The following SDCCAG8 variants were observed in gnomAD, a reference collection of about 807,000 sequenced individuals.
SDCCAG8 encodes the protein serologically defined colon cancer antigen 8.
In SDCCAG8, 74 loss-of-function variants were observed where a neutral mutation model predicts 101.8. The observed-to-expected ratio is 0.73, with a 90% confidence interval of 0.60 to 0.88. SDCCAG8 has a LOEUF of 0.88. Among genes scored for constraint, SDCCAG8 ranks in the 40% least tolerant of loss-of-function variants. The pLI, the probability that SDCCAG8 is intolerant of heterozygous loss-of-function variation, is 0.00. For synonymous variants in SDCCAG8, 281 were observed against 292.9 expected (o/e 0.96, Z 0.41); for missense variants, 787 against 822.6 (o/e 0.96, Z 0.53).
At position 243,339,052 on chromosome 1, in the gene SDCCAG8, T is replaced by C. The variant is rs1253544771; in HGVS notation, c.1222-1987T>C. The C allele has an allele frequency of 1.5e-4, 17 of 110,746 alleles. No homozygotes were observed. In the Admixed American group the frequency reaches 1.6e-3, roughly 10 times the overall value. The allele number at this position is 110,746 out of a possible 1,614,324, so 6.9% of individuals were successfully genotyped here. A position where few individuals can be genotyped will look rare whatever the true frequency, so the allele number is the denominator to read the frequency against. On this transcript the variant is annotated intron_variant, in intron 10 of 17. Transcript: ENST00000366541. ...GGGCAGAGGACCTCAGAAAGTGGGGTGGGCGGCAGGAGGGAGCAGACAGCT... is the reference window on the plus strand; with the variant it reads ...GGGCAGAGGACCTCAGAAAGTGGGGCGGGCGGCAGGAGGGAGCAGACAGCT...
At chr1:243,435,643 G>A (rs2082079658) in intron 16 of SDCCAG8, among the ~76,000 whole-genome samples, 1 of 152,110 alleles carries the variant, frequency 6.6e-6, no homozygotes, top group Non-Finnish European at 1.5e-5. Context: ...AAGGCAAAAT[G>A]CCTTTTGAAT....
chr1:243,286,011 C>T (rs1049390573), intron 4 of SDCCAG8, among the ~76,000 whole-genome samples: 2 of 152,174 alleles, frequency 1.3e-5, no homozygotes, highest in Non-Finnish European at 2.9e-5. Flanking sequence ...CTTTGAGCCT[C>T]GATTCCTTGG....
chr1:243,297,211 G>C (rs566782563), intron 6 of SDCCAG8, among the ~76,000 whole-genome samples: 2 of 152,206 alleles, frequency 1.3e-5, no homozygotes, highest in Middle Eastern at 3.4e-3. Flanking sequence ...CTTTGTATCT[G>C]GTTTCTGTTG....
Position 243,296,674 on chromosome 1 carries a change from C to A in SDCCAG8, c.675+3455C>A, listed in dbSNP as rs372098738. Among the ~76,000 whole-genome samples, 1,198 of 150,644 alleles carry A rather than the reference C, an allele frequency of 8.0e-3. 16 individuals carry two copies. The highest frequency in any genetic ancestry group is 0.027 in the African/African-American group (1,129 of 41,186). On this transcript the variant is annotated intron_variant, in intron 6 of 17. Coordinates refer to ENST00000366541, the MANE Select transcript of SDCCAG8 (RefSeq NM_006642.5). ...TCTCCTGCCTCAGCCTCCCGAGTAG[C>A]TGGGACTACAGGCGCCCGCCACTGC...
intron 16 of SDCCAG8, among the ~76,000 whole-genome samples, chr1:243,477,204 G>T (rs1662622855): frequency 6.6e-6 from 1 of 152,192 alleles, no homozygotes; most frequent in South Asian, 2.1e-4. Flanking sequence ...GGTGAGGTAG[G>T]GTACAGTGTG....
At chr1:243,459,508 G>C (rs192358428) in intron 16 of SDCCAG8, among the ~76,000 whole-genome samples, 1 of 152,084 alleles carries the variant, frequency 6.6e-6, no homozygotes, top group Non-Finnish European at 1.5e-5. Flanking sequence ...GAAAGGCTTG[G>C]GGGGTGGGGG....
chr1:243,289,411 A>G (rs1245742857), intron 5 of SDCCAG8, among the ~76,000 whole-genome samples: 1 of 152,228 alleles, frequency 6.6e-6, no homozygotes, highest in South Asian at 2.1e-4. Context: ...TCTTTTAGCA[A>G]CATCCTCACA....
chr1:243,340,461 G>A (rs1198503967), intron 10 of SDCCAG8, among the ~76,000 whole-genome samples: 1 of 152,128 alleles, frequency 6.6e-6, no homozygotes, highest in Non-Finnish European at 1.5e-5. Context: ...GAGGAGAGGA[G>A]ATAATGGCTG....
intron 15 of SDCCAG8, among the ~76,000 whole-genome samples, chr1:243,421,768 A>C (rs2081024204): frequency 1.3e-5 from 2 of 152,188 alleles, no homozygotes; most frequent in Non-Finnish European, 1.5e-5. Context: ...AAGCTCACAT[A>C]AACTTTCGCT....
At chr1:243,351,754 A>G (rs2076091984) in intron 12 of SDCCAG8, among the ~76,000 whole-genome samples, 1 of 152,248 alleles carries the variant, frequency 6.6e-6, no homozygotes, top group African/African-American at 2.4e-5. Flanking sequence ...CAAATAATTT[A>G]AAATATGTTC....
chr1:243,438,746 T>G (rs2082323539), intron 16 of SDCCAG8, among the ~76,000 whole-genome samples: 1 of 152,232 alleles, frequency 6.6e-6, no homozygotes, highest in Non-Finnish European at 1.5e-5. Context: ...CATGAGGCTT[T>G]TCTCATACTT....
At chr1:243,298,146 T>A (rs2071127493) in intron 6 of SDCCAG8, among the ~76,000 whole-genome samples, 2 of 151,632 alleles carry the variant, frequency 1.3e-5, no homozygotes, top group Non-Finnish European at 2.9e-5. Flanking sequence ...CCTCCCTGGT[T>A]CAGGCAATTC....
At position 243,330,621 on chromosome 1, in the gene SDCCAG8, G is replaced by A; in HGVS notation, c.1150G>A (p.Glu384Lys). Residue 384 changes from glutamate to lysine, a missense_variant, in exon 10 of 18, where the codon GAG (glutamate) becomes AAG (lysine). Transcript: ENST00000366541. ...TGAAAAAGAACTTGCATCTCAGCAAGAGAAAAGGGCCATTGAGAAAGACAT... is the reference window on the plus strand; with the variant it reads ...TGAAAAAGAACTTGCATCTCAGCAAAAGAAAAGGGCCATTGAGAAAGACAT... ...RLEKELASQQ[E>K]KRAIEKDMMK... 1 of 1,614,082 alleles carries A rather than the reference G, an allele frequency of 6.2e-7. No homozygotes were observed. Among genetic ancestry groups the A allele is most frequent in the South Asian group, 1.1e-5 (1 of 91,076 alleles).
intron 9 of SDCCAG8, among the ~76,000 whole-genome samples, chr1:243,327,525 A>G: frequency 6.6e-6 from 1 of 150,596 alleles, no homozygotes; most frequent in East Asian, 1.9e-4. Flanking sequence ...TAAAATTATA[A>G]TTTATAATTT....
rs778967078 is a variant in SDCCAG8 at position 243,308,143 on chromosome 1, A to G, written c.895A>G (p.Asn299Asp). Residue 299 changes from asparagine to aspartate, a missense_variant, in exon 8 of 18, where the codon AAT becomes GAT. Physicochemically the swap from Asn to Asp is conservative, Grantham distance 23. Coordinates refer to ENST00000366541, the MANE Select transcript of SDCCAG8 (RefSeq NM_006642.5). ...AGCTGTTCTTTCCCAAACCCATACT[A>G]ATGTTCATATGCAGACCATCGAAAG... ...HEAVLSQTHT[N>D]VHMQTIERLV... 7 of 1,614,048 alleles carry G rather than the reference A, an allele frequency of 4.3e-6. No individual in the cohort carries two copies. Among genetic ancestry groups the G allele is most frequent in the Admixed American group, 3.3e-5 (2 of 60,002 alleles).
At chr1:243,393,123 A>G (rs1573775645) in intron 13 of SDCCAG8, among the ~76,000 whole-genome samples, 1 of 152,348 alleles carries the variant, frequency 6.6e-6, no homozygotes, top group East Asian at 1.9e-4. Flanking sequence ...TGTACAATCA[A>G]AATCAGGATA....
intron 12 of SDCCAG8, among the ~76,000 whole-genome samples, chr1:243,344,567 T>C (rs1273184559): frequency 1.3e-5 from 2 of 152,240 alleles, no homozygotes; most frequent in East Asian, 3.8e-4. Context: ...GTCATAAATA[T>C]ACATTTGGAT....
rs1558518463 is a variant in SDCCAG8 at position 243,474,446 on chromosome 1, A to AGCCCGGGC, written c.1986-14568_1986-14567insGCCCGGGC. ...CCAGGCCCTCTCGCGCGGCTTCGGG[A>AGCCCGGGC]CTCGGCCGAGCCCGGGCCTAGTATC... is the stretch of plus-strand genomic sequence containing the variant. On this transcript the variant is annotated intron_variant, in intron 16 of 17. Transcript: ENST00000366541. This position sits in a 1 kb window ranked among gnomAD's most constrained non-coding sequence, Gnocchi z 4.7. Among the ~76,000 whole-genome samples, 7 of 152,046 alleles carry AGCCCGGGC rather than the reference A, an allele frequency of 4.6e-5. No individual in the cohort carries two copies. Among genetic ancestry groups the AGCCCGGGC allele is most frequent in the African/African-American group, 7.2e-5 (3 of 41,412 alleles).
rs1293632401 is a variant in SDCCAG8 at position 243,458,202 on chromosome 1, C to T, written c.1986-30812C>T. ...AAGGTCTTTGCTGTAAGAAGCTCAACCATCCTTTAGCCTCCCTGGCCAGGG... is the reference window on the plus strand; with the variant it reads ...AAGGTCTTTGCTGTAAGAAGCTCAATCATCCTTTAGCCTCCCTGGCCAGGG... On this transcript the variant is annotated intron_variant, in intron 16 of 17. Transcript: ENST00000366541. This position sits in a 1 kb window ranked among gnomAD's most constrained non-coding sequence, Gnocchi z 4.5. 6.6e-6 allele frequency among the ~76,000 whole-genome samples: 1 copy of T among 152,162 alleles called. No individual in the cohort carries two copies. Among genetic ancestry groups the T allele is most frequent in the Non-Finnish European group, 1.5e-5 (1 of 68,042 alleles).
Sources: gnomAD v4.1 joint callset for allele counts (sites outside exome capture counted in the v4.1 genomes callset) on GRCh38, gnomAD v4.1.1 for gene constraint, Gnocchi (gnomAD v3.1) non-coding constraint, MANE v1.5 for transcripts, NCBI Gene and HGNC (gene_info 2026-07-23, HGNC 2026-07-21) for gene names.